Variants in NOX5 observed in about 807,000 individuals in gnomAD.
NOX5 encodes the protein NADPH oxidase 5, also known as NADPH oxidase, EF-hand calcium binding domain 5.
A neutral mutation model predicts 85.7 loss-of-function variants in NOX5; 76 were observed. That is an observed-to-expected ratio of 0.89 (90% CI 0.74 to 1.07). The LOEUF is 1.07. Ranked by LOEUF, NOX5 falls within the 50% of genes least tolerant of loss-of-function variation. NOX5 has a pLI of 0.00. For synonymous variants in NOX5, 405 were observed against 401.4 expected, an observed-to-expected ratio of 1.01 and a Z score of -0.11; for missense variants, 973 against 999.5, an observed-to-expected ratio of 0.97 and a Z score of 0.36.
At chr15:69,049,243 G>T (rs1454330106) in intron 14 of NOX5, among the ~76,000 whole-genome samples, 185 bp downstream of exon 14, 2 of 146,194 alleles carry the variant, frequency 1.4e-5, no homozygotes, top group Non-Finnish European at 3.0e-5. Context: ...CCAAGCTGAA[G>T]TGCAGTAGCA....
intron 8 of NOX5, 125 bp downstream of exon 8, chr15:69,037,335 T>C: frequency 1.0e-6 from 1 of 992,614 alleles, no homozygotes; most frequent in Non-Finnish European, 1.5e-6. Flanking sequence ...TGCAGCCCCA[T>C]TGCTATGGAG....
rs897225105 is a variant in NOX5, at chr15:69,061,479, C to G, written c.*4783C>G. 5.3e-5 allele frequency: 8 copies of G among 152,290 alleles called. No individual in the cohort carries two copies. Among genetic ancestry groups the G allele is most frequent in the Middle Eastern group, 3.2e-3 (1 of 316 alleles). 9.4% of individuals were successfully genotyped at this position (152,290 alleles called of 1,614,324 possible). On this transcript the variant is annotated 3_prime_UTR_variant, in exon 16 of 16. Coordinates refer to ENST00000388866, the MANE Select transcript of NOX5 (RefSeq NM_024505.4). ...GGGAGTTGAGATGCCTCAGGGCACA[C>G]TGTCTGTGCTAAACAAATACTCATA...
chr15:69,019,305 G>C (rs561834331), intron 1 of NOX5, among the ~76,000 whole-genome samples: 65 of 152,340 alleles, frequency 4.3e-4, no homozygotes, highest in African/African-American at 1.6e-3. Context: ...GAGGGATGTA[G>C]GTGTGGCTGT....
intron 14 of NOX5, among the ~76,000 whole-genome samples, chr15:69,052,064 A>G (rs978850920): frequency 6.6e-6 from 1 of 152,108 alleles, no homozygotes; most frequent in Non-Finnish European, 1.5e-5. Context: ...ATGTTTTTTA[A>G]AAAACTAGCT....
intron 14 of NOX5, among the ~76,000 whole-genome samples, chr15:69,054,663 C>T (rs1300050483): frequency 6.6e-6 from 1 of 152,228 alleles, no homozygotes; most frequent in Non-Finnish European, 1.5e-5. Flanking sequence ...TTTACTCTCA[C>T]CCCTTGTCCC....
intron 13 of NOX5, 134 bp downstream of exon 13, chr15:69,048,045 C>A (rs2050698158): frequency 2.8e-6 from 2 of 720,656 alleles, no homozygotes; most frequent in East Asian, 5.4e-5. Flanking sequence ...CCCCACAATA[C>A]CCTGAATTCT....
At chr15:69,036,017 C>G (rs535401433) in intron 7 of NOX5, 81 bp downstream of exon 7, 18 of 1,570,110 alleles carry the variant, frequency 1.1e-5, no homozygotes, top group East Asian at 6.7e-5. Context: ...CTGATTTACT[C>G]CAGAGCCCAG....
chr15:69,061,013 T>C lies in NOX5; in HGVS notation c.*4317T>C, dbSNP rs1216901746. On this transcript the variant is annotated 3_prime_UTR_variant, in exon 16 of 16. Transcript: ENST00000388866. ...AACTGTGGAGGAGGCAAAGGAGGACTTGAATGTTTTCCTCTTATCTGTTTC... is the reference window on the plus strand; with the variant it reads ...AACTGTGGAGGAGGCAAAGGAGGACCTGAATGTTTTCCTCTTATCTGTTTC... The C allele has an allele frequency of 6.6e-6, 1 of 152,274 alleles. No homozygotes were observed. The highest frequency in any genetic ancestry group is 1.5e-5 in the Non-Finnish European group (1 of 68,046). The allele number at this position is 152,274 out of a possible 1,614,324, so 9.4% of individuals were successfully genotyped here. A position where few individuals can be genotyped will look rare whatever the true frequency, so the allele number is the denominator to read the frequency against.
rs147997256 is a variant in NOX5 at position 69,038,391 on chromosome 15, A to G, written c.1372-466A>G. ...GTCCCTAAAGTAGAGAGAAAATAAT[A>G]TCCACGTCATACAACTGCTGTGAGG... On this transcript the variant is annotated intron_variant, in intron 8 of 15. Transcript: ENST00000388866. The G allele has an allele frequency of 3.5e-3, 655 of 185,418 alleles. 2 individuals are homozygous for G. The highest frequency in any genetic ancestry group is 5.6e-3 in the Admixed American group (92 of 16,322). 11.5% of individuals were successfully genotyped at this position (185,418 alleles called of 1,614,324 possible).
At chr15:69,045,083 A>C (rs2050644967) in intron 10 of NOX5, among the ~76,000 whole-genome samples, 1 of 152,256 alleles carries the variant, frequency 6.6e-6, no homozygotes, top group South Asian at 2.1e-4. Flanking sequence ...GACTAGAGAC[A>C]GGAGGGCCAG....
chr15:69,047,678 T>C, intron 12 of NOX5, 141 bp downstream of exon 12: 1 of 1,333,206 alleles, frequency 7.5e-7, no homozygotes, highest in Admixed American at 2.1e-5. Context: ...TCTCCTGCTC[T>C]GCCCCCCTCT....
At chr15:69,017,244 T>C (rs1005692343) in intron 1 of NOX5, among the ~76,000 whole-genome samples, 2 of 152,080 alleles carry the variant, frequency 1.3e-5, no homozygotes, top group Non-Finnish European at 2.9e-5. Flanking sequence ...CTCCACCTCC[T>C]GGGCTCAAGC....
rs1195122101 is a variant in NOX5, at chr15:69,033,067, C to T, written c.645C>T (p.Pro215=). 3.2e-6 allele frequency: 5 copies of T among 1,552,572 alleles called. No individual in the cohort carries two copies. In the Admixed American group the frequency reaches 5.9e-5, roughly 18 times the overall value. ...GCGCTGCCCACTGGCTGACGGCCCC[C>T]GCCCCCCGCCCACGCCCGCGCCGGC... ...TISAAHWLTA[P]APRPRPRRPR... The change falls in exon 5 of 16, where the codon CCC becomes CCT. Residue 215 remains proline (P), a synonymous_variant. Coordinates refer to ENST00000388866, the MANE Select transcript of NOX5 (RefSeq NM_024505.4).
In NOX5 at chr15:69,023,262, G is replaced by A. The variant is rs796938484; in HGVS notation, c.51-3266G>A. On this transcript the variant is annotated intron_variant, in intron 1 of 15. Coordinates refer to ENST00000388866, the MANE Select transcript of NOX5 (RefSeq NM_024505.4). ...CTCCTTCAACAGAGAAACAAAAGCT[G>A]AATTAGATCAACTCTCAGAGGGTAA... 38 of 244,036 alleles carry A rather than the reference G, an allele frequency of 1.6e-4. 1 individual carries two copies. The South Asian group carries it at 1.8e-3, about 12-fold the overall frequency. 15.1% of individuals were successfully genotyped at this position (244,036 alleles called of 1,614,324 possible).
At chr15:69,035,321 G>A in intron 5 of NOX5, 33 bp from the exon 6 acceptor site, 2 of 1,608,032 alleles carry the variant, frequency 1.2e-6, no homozygotes, top group Non-Finnish European at 1.7e-6. Flanking sequence ...GACAGAGAGT[G>A]AGGCAGGGCT....
At chr15:69,028,386 T>G (rs756195870) in intron 3 of NOX5, 21 bp downstream of exon 3, 1 of 1,565,986 alleles carries the variant, frequency 6.4e-7, no homozygotes, top group Non-Finnish European at 8.7e-7. Context: ...TTCCTGGGTG[T>G]GGGCTGGGGT....
intron 14 of NOX5, among the ~76,000 whole-genome samples, chr15:69,049,336 G>A (rs2050718936): frequency 6.6e-6 from 1 of 151,854 alleles, no homozygotes; most frequent in South Asian, 2.1e-4. Context: ...AACCACAGGT[G>A]CAGGCCACCA....
intron 14 of NOX5, among the ~76,000 whole-genome samples, chr15:69,049,296 A>C (rs192455782): frequency 6.6e-6 from 1 of 151,864 alleles, no homozygotes; most frequent in Non-Finnish European, 1.5e-5. Context: ...GGCTCAAGCA[A>C]TCCTCCACCT....
Position 69,031,559 on chromosome 15 carries a change from G to C in NOX5, c.367G>C (p.Ala123Pro), listed in dbSNP as rs1191380357. The C allele has an allele frequency of 1.2e-6, 2 of 1,612,146 alleles. No homozygotes were observed. The highest frequency in any genetic ancestry group is 1.1e-5 in the South Asian group (1 of 91,076). The change falls in exon 4 of 16, where the codon GCT (alanine) becomes CCT (proline). Residue 123 changes from alanine to proline, a missense_variant. By Grantham distance (27) the Ala-to-Pro change is conservative (BLOSUM62 -1). Transcript: ENST00000388866. ...QGASAGTEWG[A>P]GAGPHWASSP... ...GGCGTCTGCAGGTACAGAGTGGGGTGCTGGGGCAGGCCCGCACTGGGCTTC... is the reference window on the plus strand; with the variant it reads ...GGCGTCTGCAGGTACAGAGTGGGGTCCTGGGGCAGGCCCGCACTGGGCTTC...
Sources: gnomAD v4.1 joint callset for allele counts (sites outside exome capture counted in the v4.1 genomes callset) on GRCh38, gnomAD v4.1.1 for gene constraint, MANE v1.5 for transcripts, NCBI Gene and HGNC (gene_info 2026-07-23, HGNC 2026-07-21) for gene names.